SEMA3C: variants seen among roughly 807,000 people sequenced by gnomAD.
SEMA3C encodes semaphorin-3C.
Under a neutral mutation model 89.4 loss-of-function variants are expected in SEMA3C, and 47 were observed. That is an observed-to-expected ratio of 0.53 (90% CI 0.42 to 0.67). The LOEUF is 0.67. SEMA3C is among the 30% of genes least tolerant of loss of function. The pLI, the probability that SEMA3C is intolerant of heterozygous loss-of-function variation, is 0.00. For missense variants in SEMA3C, 839 were observed against 929.1 expected, an observed-to-expected ratio of 0.90 and a Z score of 1.26; for synonymous variants, 310 against 320.2, an observed-to-expected ratio of 0.97 and a Z score of 0.34.
In SEMA3C at chr7:80,918,828, C is replaced by T; in HGVS notation, c.-39G>A. The T allele has an allele frequency of 6.1e-6, 6 of 985,374 alleles. No homozygotes were observed. The highest frequency in any genetic ancestry group is 4.7e-5 in the South Asian group (1 of 21,282). 61.0% of individuals were successfully genotyped at this position (985,374 alleles called of 1,614,324 possible). The stretch of plus-strand genomic sequence containing the variant: ...GCGGAAAATGACCAATTTAGCTTAC[C>T]GAGGTTGAAAGAAATCAGCACGGAA... On this transcript the variant is annotated splice_region_variant and 5_prime_UTR_variant, in exon 1 of 18. Coordinates refer to ENST00000265361, the MANE Select transcript of SEMA3C (RefSeq NM_006379.5).
chr7:80,860,456 A>G (rs1398663952), intron 2 of SEMA3C, among the ~76,000 whole-genome samples: 3 of 152,192 alleles, frequency 2.0e-5, no homozygotes, highest in Admixed American at 2.0e-4. Flanking sequence ...AATAGATCCA[A>G]CTGCACCCCT....
At chr7:80,787,879 G>T (rs553695488) in intron 12 of SEMA3C, among the ~76,000 whole-genome samples, 1 of 152,278 alleles carries the variant, frequency 6.6e-6, no homozygotes, top group African/African-American at 2.4e-5. Context: ...CAGGCAAAGA[G>T]AGGAATAGTG....
chr7:80,850,291 T>C (rs1790481473), intron 2 of SEMA3C, among the ~76,000 whole-genome samples: 1 of 152,182 alleles, frequency 6.6e-6, no homozygotes. Flanking sequence ...CACAATTCAA[T>C]TTCTAGTTAT....
chr7:80,911,913 G>C (rs550452057), intron 2 of SEMA3C, among the ~76,000 whole-genome samples: 2 of 152,064 alleles, frequency 1.3e-5, no homozygotes, highest in Admixed American at 6.6e-5. Context: ...GATTACAGGC[G>C]TGAGCCCCCG....
Position 80,745,319 on chromosome 7 carries a change from A to T in SEMA3C, c.1843-12T>A. The T allele has an allele frequency of 6.2e-7, 1 of 1,608,922 alleles. No individual in the cohort carries two copies. Among genetic ancestry groups the T allele is most frequent in the Non-Finnish European group, 8.5e-7 (1 of 1,178,298 alleles). On this transcript the variant is annotated splice_polypyrimidine_tract_variant and intron_variant, in intron 17 of 17. Transcript: ENST00000265361. ...TCATTCAGCTTAACCTAAAAGAGAG[A>T]CAAATTAAAGTTACTGAAACTGAAC...
chr7:80,842,581 C>G (rs1790294872), intron 2 of SEMA3C, among the ~76,000 whole-genome samples: 1 of 152,042 alleles, frequency 6.6e-6, no homozygotes, highest in Non-Finnish European at 1.5e-5. Flanking sequence ...ATGAGAAATC[C>G]AGTTTGACCT....
chr7:80,850,456 T>C (rs1166041352), intron 2 of SEMA3C, among the ~76,000 whole-genome samples: 2 of 152,146 alleles, frequency 1.3e-5, no homozygotes, highest in African/African-American at 4.8e-5. Context: ...CTTCTACATA[T>C]AAAAATGCCA....
At chr7:80,812,161 A>G (rs12666387) in intron 5 of SEMA3C, among the ~76,000 whole-genome samples, 53,536 of 151,972 alleles carry the variant, frequency 0.35, 9,714 homozygotes, top group East Asian at 0.53. Context: ...AATAAAGCTA[A>G]TACATAGTTG....
intron 2 of SEMA3C, among the ~76,000 whole-genome samples, chr7:80,845,477 C>T (rs980586808): frequency 2.0e-5 from 3 of 151,996 alleles, no homozygotes; most frequent in Admixed American, 6.6e-5. Context: ...AGACAAGCAG[C>T]GAATGGCACC....
At chr7:80,749,628 C>T (rs908372318) in intron 16 of SEMA3C, among the ~76,000 whole-genome samples, 4 of 152,244 alleles carry the variant, frequency 2.6e-5, no homozygotes, top group African/African-American at 9.6e-5. Context: ...AGACAAGTTA[C>T]TTGATGTCTC....
upstream of SEMA3C, among the ~76,000 whole-genome samples, chr7:80,921,485 C>G (rs556994783): frequency 1.4e-4 from 22 of 152,278 alleles, no homozygotes; most frequent in South Asian, 4.3e-3. Flanking sequence ...GCTTAAAACA[C>G]CTTGACAAAA....
chr7:80,811,018 T>C (rs1006239524), intron 5 of SEMA3C, among the ~76,000 whole-genome samples: 1 of 152,176 alleles, frequency 6.6e-6, no homozygotes, highest in African/African-American at 2.4e-5. Context: ...ACTAGATGCG[T>C]TGAACATCAG....
intron 11 of SEMA3C, among the ~76,000 whole-genome samples, chr7:80,795,404 T>C (rs1297647553): frequency 6.6e-6 from 1 of 152,158 alleles, no homozygotes; most frequent in Non-Finnish European, 1.5e-5. Flanking sequence ...AAGGAGCTGC[T>C]CTGGTCTCAA....
chr7:80,776,598 T>G (rs2117083442), intron 12 of SEMA3C, among the ~76,000 whole-genome samples: 1 of 152,314 alleles, frequency 6.6e-6, no homozygotes, highest in African/African-American at 2.4e-5. Context: ...CATAAATTAT[T>G]TATATACTTT....
At chr7:80,876,099 A>G (rs1457871025) in intron 2 of SEMA3C, among the ~76,000 whole-genome samples, 1 of 152,138 alleles carries the variant, frequency 6.6e-6, no homozygotes, top group African/African-American at 2.4e-5. Flanking sequence ...CGAGTTTGCC[A>G]CCATGCACGG....
chr7:80,762,092 T>TAA (rs547180420), intron 13 of SEMA3C, among the ~76,000 whole-genome samples: 2,447 of 75,524 alleles, frequency 0.032, 67 homozygotes, highest in African/African-American at 0.088. Flanking sequence ...TCCGTCTCAA[T>TAA]AAAAAAAAAA....
intron 2 of SEMA3C, among the ~76,000 whole-genome samples, chr7:80,868,384 C>T (rs1188757691): frequency 1.3e-5 from 2 of 152,148 alleles, no homozygotes; most frequent in African/African-American, 2.4e-5. Flanking sequence ...TCTTGTGTCT[C>T]AGCCTCCCGA....
chr7:80,898,967 C>T (rs1407788278), intron 2 of SEMA3C, among the ~76,000 whole-genome samples: 3 of 152,102 alleles, frequency 2.0e-5, no homozygotes, highest in Non-Finnish European at 2.9e-5. Flanking sequence ...CCTATGTACA[C>T]AAATGGATAA....
chr7:80,834,264 A>C (rs541919828), intron 2 of SEMA3C, among the ~76,000 whole-genome samples: 6 of 152,254 alleles, frequency 3.9e-5, no homozygotes, highest in Admixed American at 2.0e-4. Flanking sequence ...ATGATGGAAA[A>C]TTACTGTAAT....
Sources: gnomAD v4.1 joint callset for allele counts (sites outside exome capture counted in the v4.1 genomes callset) on GRCh38, gnomAD v4.1.1 for gene constraint, MANE v1.5 for transcripts, NCBI Gene and HGNC (gene_info 2026-07-23, HGNC 2026-07-21) for gene names.